The following SUN2 variants were observed in gnomAD, a reference collection of about 807,000 sequenced individuals.
The protein encoded by SUN2 is Sad1 and UNC84 domain containing 2, also known as SUN domain-containing protein 2.
SUN2 carries 60 observed loss-of-function variants against 100.0 expected under a neutral mutation model. The ratio of observed to expected loss-of-function variants is 0.60; its 90% CI spans 0.49 to 0.74. SUN2 has a LOEUF of 0.74. SUN2 is among the 30% of genes least tolerant of loss of function. The pLI, the probability that SUN2 is intolerant of heterozygous loss-of-function variation, is 0.00. For missense variants in SUN2, 834 were observed against 954.6 expected (o/e 0.87, Z 1.66); for synonymous variants, 367 against 403.3 (o/e 0.91, Z 1.08).
intron 1 of SUN2, among the ~76,000 whole-genome samples, chr22:38,753,415 CA>C (rs1390571382): frequency 1.3e-5 from 2 of 152,034 alleles, no homozygotes; most frequent in Admixed American, 1.3e-4. Context: ...GGGGTTTCGC[CA>C]TGTTGGCCAG....
chr22:38,742,725 C>CTGAGCTGGG, intron 8 of SUN2, 170 bp from the exon 9 acceptor site: 1 of 801,276 alleles, frequency 1.2e-6, no homozygotes. Context: ...CTGCCGACCT[C>CTGAGCTGGG]TGAGCTGGGT....
chr22:38,754,931 C>G (rs931537578), intron 1 of SUN2: 1 of 1,289,302 alleles, frequency 7.8e-7, no homozygotes, highest in East Asian at 5.5e-5. Flanking sequence ...TGAAAAAGGT[C>G]GAGGCCCCAT....
intron 3 of SUN2, 23 bp downstream of exon 3, chr22:38,751,187 G>C: frequency 6.2e-7 from 1 of 1,605,266 alleles, no homozygotes; most frequent in Non-Finnish European, 8.5e-7. Flanking sequence ...GCAAAGCCCC[G>C]GGACGGAGGG....
intron 7 of SUN2, among the ~76,000 whole-genome samples, chr22:38,746,992 C>A (rs534420539): frequency 6.7e-6 from 1 of 150,140 alleles, no homozygotes; most frequent in South Asian, 2.1e-4. Context: ...CAAGATCGCA[C>A]GACTGCACTC....
chr22:38,738,324 A>C lies in SUN2; in HGVS notation c.1948-59T>G. On this transcript the variant is annotated intron_variant, in intron 16 of 17. Transcript: ENST00000689035. This position sits in a 1 kb window ranked among gnomAD's most constrained non-coding sequence, Gnocchi z 6.6. ...TGGAGCAGGGAGAACACCCCTCCCC[A>C]CTCCAATCCCTGCTCCTCCCACCCA... The C allele has an allele frequency of 6.9e-7, 1 of 1,439,538 alleles. No individual in the cohort carries two copies. Among genetic ancestry groups the C allele is most frequent in the Non-Finnish European group, 9.7e-7 (1 of 1,033,908 alleles). The allele number at this position is 1,439,538 out of a possible 1,614,324, so 89.2% of individuals were successfully genotyped here.
At position 38,740,215 on chromosome 22, in the gene SUN2, G is replaced by A. The variant is rs1026881259; in HGVS notation, c.1356+52C>T. ...TGCTTTGCAGGCCCCAGGACACGTC[G>A]TCTCAAAGGAGGAGGAGAGGGACCA... On this transcript the variant is annotated intron_variant, in intron 12 of 17. Transcript: ENST00000689035. The surrounding 1 kb of genome is among the most constrained non-coding windows in gnomAD (Gnocchi z 4.8). 19 of 1,483,900 alleles carry A rather than the reference G, an allele frequency of 1.3e-5. No homozygotes were observed. Among genetic ancestry groups the A allele is most frequent in the Admixed American group, 2.3e-5 (1 of 42,800 alleles). 91.9% of individuals were successfully genotyped at this position (1,483,900 alleles called of 1,614,324 possible).
chr22:38,742,595 T>C (rs368008907), intron 8 of SUN2, 40 bp from the exon 9 acceptor site: 12 of 1,574,080 alleles, frequency 7.6e-6, no homozygotes, highest in Admixed American at 3.5e-5. Flanking sequence ...GAGGGACCCT[T>C]GGATGATAGT....
chr22:38,746,607 A>G (rs2092905318), intron 7 of SUN2, among the ~76,000 whole-genome samples: 1 of 152,214 alleles, frequency 6.6e-6, no homozygotes, highest in Non-Finnish European at 1.5e-5. Context: ...AGCCCCCTCC[A>G]CGTGCATCTC....
intron 7 of SUN2, 55 bp from the exon 8 acceptor site, chr22:38,745,866 G>A (rs575151438): frequency 7.7e-5 from 122 of 1,590,482 alleles, no homozygotes; most frequent in South Asian, 2.3e-4. Context: ...AGAGGCGCGC[G>A]CCAGGGAGGA....
At chr22:38,743,320 C>T (rs1423198414) in intron 8 of SUN2, among the ~76,000 whole-genome samples, 1 of 152,252 alleles carries the variant, frequency 6.6e-6, no homozygotes, top group Admixed American at 6.5e-5. Flanking sequence ...GACGTGGTGG[C>T]TCACGCCTGT....
At chr22:38,744,855 G>A (rs902668615) in intron 8 of SUN2, among the ~76,000 whole-genome samples, 8 of 152,242 alleles carry the variant, frequency 5.3e-5, no homozygotes, top group South Asian at 4.2e-4. Context: ...TTGCTTTCTG[G>A]TTATGCTGAC....
intron 17 of SUN2, chr22:38,736,608 A>T (rs1038900070): frequency 2.6e-5 from 10 of 387,574 alleles, no homozygotes; most frequent in African/African-American, 2.1e-4. Flanking sequence ...CTGAAACCGG[A>T]ATGAATTCAT....
In SUN2 at chr22:38,739,311, CA is replaced by C. The variant is rs1189234337; in HGVS notation, c.1663+30del. 2 of 1,610,478 alleles carry C rather than the reference CA, an allele frequency of 1.2e-6. No homozygotes were observed. The highest frequency in any genetic ancestry group is 1.7e-6 in the Non-Finnish European group (2 of 1,177,928). Reference sequence around the variant, plus strand: ...GGACCGGCCATTGCGGGGTCCAGGACAAGGCAGAGCGAGGAAAGCAGAGCAC... The same window carrying C: ...GGACCGGCCATTGCGGGGTCCAGGACAGGCAGAGCGAGGAAAGCAGAGCAC... On this transcript the variant is annotated intron_variant, in intron 14 of 17. Coordinates refer to ENST00000689035, the MANE Select transcript of SUN2 (RefSeq NM_015374.3). This position sits in a 1 kb window ranked among gnomAD's most constrained non-coding sequence, Gnocchi z 6.7.
chr22:38,736,083 C>T lies in SUN2; in HGVS notation c.*184G>A, dbSNP rs1376503096. 5.9e-6 allele frequency: 4 copies of T among 672,400 alleles called. No homozygotes were observed. In the Admixed American group the frequency reaches 7.0e-5, roughly 12 times the overall value. 41.7% of individuals were successfully genotyped at this position (672,400 alleles called of 1,614,324 possible). A position where few individuals can be genotyped will look rare whatever the true frequency, so the allele number is the denominator to read the frequency against. On this transcript the variant is annotated 3_prime_UTR_variant, in exon 18 of 18. Coordinates refer to ENST00000689035, the MANE Select transcript of SUN2 (RefSeq NM_015374.3). Reference sequence around the variant, plus strand: ...GGAAGGAAGAAGGGAGCTGCTGGAGCCTGCTAACCGCCTCGAGCCACCTGC... The same window carrying T: ...GGAAGGAAGAAGGGAGCTGCTGGAGTCTGCTAACCGCCTCGAGCCACCTGC...
In SUN2 at chr22:38,738,835, G is replaced by GC; in HGVS notation, c.1779+37dup. On this transcript the variant is annotated intron_variant, in intron 15 of 17. Coordinates refer to ENST00000689035, the MANE Select transcript of SUN2 (RefSeq NM_015374.3). The surrounding 1 kb of genome is among the most constrained non-coding windows in gnomAD (Gnocchi z 6.6). ...CCCAGATGGGACCAGCCCTCAGTGT[G>GC]CTCAGAGCCCCCGCTGCTGTGCTTG... 6.3e-7 allele frequency: 1 copy of GC among 1,595,552 alleles called. No homozygotes were observed. Among genetic ancestry groups the GC allele is most frequent in the Non-Finnish European group, 8.6e-7 (1 of 1,168,218 alleles).
Position 38,741,564 on chromosome 22 carries a change from A to G in SUN2, c.1076T>C (p.Leu359Pro), listed in dbSNP as rs1360804433. ...CTGATGCTCTGCTCTCAGGGCAGAC[A>G]GTTCTTCCTGTGAGACGGGAGTGAG... ...RETAARIQEE[L>P]SALRAEHQQD... is the part of the protein sequence containing the mutation. The change falls in exon 10 of 18, where the codon CTG becomes CCG. Residue 359 changes from leucine (L) to proline (P), a missense_variant. Coordinates refer to ENST00000689035, the MANE Select transcript of SUN2 (RefSeq NM_015374.3). 2 of 1,614,038 alleles carry G rather than the reference A, an allele frequency of 1.2e-6. No homozygotes were observed. The highest frequency in any genetic ancestry group is 1.7e-6 in the Non-Finnish European group (2 of 1,179,990).
chr22:38,754,690 GC>G, intron 1 of SUN2: 1 of 1,285,488 alleles, frequency 7.8e-7, no homozygotes, highest in Non-Finnish European at 1.0e-6. Context: ...CCTCTGTCCT[GC>G]TGAAGGAGGT....
chr22:38,749,268 G>A (rs2092925931), intron 6 of SUN2, among the ~76,000 whole-genome samples: 1 of 152,126 alleles, frequency 6.6e-6, no homozygotes, highest in East Asian at 1.9e-4. Flanking sequence ...CTCAAATCCT[G>A]GTTCTGCTGG....
intron 7 of SUN2, 57 bp from the exon 8 acceptor site, chr22:38,745,868 C>T (rs2092900373): frequency 1.9e-6 from 3 of 1,588,482 alleles, no homozygotes; most frequent in Non-Finnish European, 1.7e-6. Context: ...AGGCGCGCGC[C>T]AGGGAGGATG....
Sources: allele counts gnomAD v4.1 joint callset (sites outside exome capture counted in the v4.1 genomes callset), GRCh38; gene constraint gnomAD v4.1.1; non-coding constraint Gnocchi (gnomAD v3.1); transcripts MANE v1.5; gene names NCBI Gene and HGNC (gene_info 2026-07-23, HGNC 2026-07-21).